Variants in HDAC4 observed in about 807,000 individuals in gnomAD.
The protein encoded by HDAC4 is histone deacetylase 4, also known as histone deacetylase A.
A neutral mutation model predicts 135.1 loss-of-function variants in HDAC4; 16 were observed. The observed-to-expected ratio is 0.12, with a 90% CI of 0.08 to 0.18. The LOEUF (loss-of-function observed/expected upper bound fraction) is 0.18. Ranked by LOEUF, HDAC4 falls within the 10% of genes least tolerant of loss-of-function variation. HDAC4 has a pLI of 1.00. For synonymous variants in HDAC4, 685 were observed against 653.4 expected, an observed-to-expected ratio of 1.05 and a Z score of -0.74; for missense variants, 1,143 against 1,511.8, an observed-to-expected ratio of 0.76 and a Z score of 4.05.
chr2:239,183,725 G>A (rs1007086378), intron 4 of HDAC4, among the ~76,000 whole-genome samples: 8 of 152,080 alleles, frequency 5.3e-5, no homozygotes, highest in African/African-American at 1.2e-4. Flanking sequence ...CCTCCCCACC[G>A]CACCCCTGTC....
chr2:239,284,256 G>A (rs960165323), intron 2 of HDAC4, among the ~76,000 whole-genome samples: 7 of 152,242 alleles, frequency 4.6e-5, no homozygotes, highest in African/African-American at 7.2e-5. Flanking sequence ...CGAGGACACC[G>A]ATGGCAGGAC....
chr2:239,350,622 G>A (rs1693077086), intron 2 of HDAC4, among the ~76,000 whole-genome samples: 1 of 152,098 alleles, frequency 6.6e-6, no homozygotes, highest in African/African-American at 2.4e-5. Flanking sequence ...TCCTGCCTGA[G>A]CCTCCTGGGT....
At chr2:239,098,339 TGGCAGACAGGC>T (rs2037305330) in intron 16 of HDAC4, among the ~76,000 whole-genome samples, 1 of 152,234 alleles carries the variant, frequency 6.6e-6, no homozygotes, top group Admixed American at 6.5e-5. Context: ...TGCCGCGGGC[TGGCAGACAGGC>T]GTTCTGTGCC....
At chr2:239,247,311 C>T (rs535871257) in intron 2 of HDAC4, among the ~76,000 whole-genome samples, 5 of 152,330 alleles carry the variant, frequency 3.3e-5, no homozygotes, top group East Asian at 3.9e-4. Flanking sequence ...AATTCCTACC[C>T]GCATCTACCC....
At chr2:239,136,500 C>T (rs567238328) in intron 9 of HDAC4, among the ~76,000 whole-genome samples, 9 of 152,164 alleles carry the variant, frequency 5.9e-5, no homozygotes, top group Non-Finnish European at 1.3e-4. Context: ...ATGGCTAAGA[C>T]CTCAAAAGCA....
chr2:239,299,545 G>A lies in HDAC4; in HGVS notation c.22+53133C>T, dbSNP rs987897358. On this transcript the variant is annotated intron_variant, in intron 2 of 26. Coordinates refer to ENST00000543185, the MANE Select transcript of HDAC4 (RefSeq NM_001378414.1). The surrounding 1 kb of genome is among the most constrained non-coding windows in gnomAD (Gnocchi z 4.0). ...ACAGCTGTACAACTGTACAACGGGA[G>A]GGCAGCGACACGTGCTTATTTGTAT... Among the ~76,000 whole-genome samples, 2 of 152,142 alleles carry A rather than the reference G, an allele frequency of 1.3e-5. No individual in the cohort carries two copies. The highest frequency in any genetic ancestry group is 4.8e-5 in the African/African-American group (2 of 41,428).
In HDAC4 at chr2:239,108,335, AAGACTCCTT is replaced by A; in HGVS notation, c.1979-161_1979-153del. On this transcript the variant is annotated intron_variant, in intron 14 of 26. Coordinates refer to ENST00000543185, the MANE Select transcript of HDAC4 (RefSeq NM_001378414.1). The stretch of plus-strand genomic sequence containing the variant: ...TCTTTAGAAAAATACCACGTTTGCC[AAGACTCCTT>A]GACTGGCCAGGCCCAGAGAACGTGG... The A allele has an allele frequency of 1.2e-5, 12 of 1,036,332 alleles. No individual in the cohort carries two copies. The South Asian group carries it at 1.8e-4, about 15-fold the overall frequency. 64.2% of individuals were successfully genotyped at this position (1,036,332 alleles called of 1,614,324 possible).
chr2:239,373,439 G>A (rs34460165), intron 1 of HDAC4, among the ~76,000 whole-genome samples: 1 of 152,080 alleles, frequency 6.6e-6, no homozygotes, highest in Admixed American at 6.6e-5. Flanking sequence ...GTTTGGAAGA[G>A]ACCTCTCCAT....
At chr2:239,084,272 A>T (rs1450553073) in intron 19 of HDAC4, 30 bp from the exon 20 acceptor site, 2 of 1,543,058 alleles carry the variant, frequency 1.3e-6, no homozygotes, top group Admixed American at 3.5e-5. Context: ...CTGGAGACGA[A>T]GCGCAGGTGG....
chr2:239,295,400 T>C (rs2051823768), intron 2 of HDAC4, among the ~76,000 whole-genome samples: 1 of 150,714 alleles, frequency 6.6e-6, no homozygotes, highest in Non-Finnish European at 1.5e-5. Context: ...CAAAAGCTGG[T>C]TACATAAAAA....
rs755870845 is a variant in HDAC4, at chr2:239,331,168, G to T, written c.22+21510C>A. On this transcript the variant is annotated intron_variant, in intron 2 of 26. Coordinates refer to ENST00000543185, the MANE Select transcript of HDAC4 (RefSeq NM_001378414.1). This position sits in a 1 kb window ranked among gnomAD's most constrained non-coding sequence, Gnocchi z 4.5. ...CTGATGGGCCATCGGAGCAAAGCGC[G>T]GCCAGCACTGTCGTGACATTGATGG... Among the ~76,000 whole-genome samples, 4 of 152,204 alleles carry T rather than the reference G, an allele frequency of 2.6e-5. No homozygotes were observed. The highest frequency in any genetic ancestry group is 9.7e-5 in the African/African-American group (4 of 41,448).
At chr2:239,276,144 C>T (rs956202695) in intron 2 of HDAC4, among the ~76,000 whole-genome samples, 3 of 152,210 alleles carry the variant, frequency 2.0e-5, no homozygotes, top group African/African-American at 7.2e-5. Flanking sequence ...GACCCCCACG[C>T]CAGCAAGTTC....
intron 2 of HDAC4, among the ~76,000 whole-genome samples, chr2:239,293,888 G>A (rs962827511): frequency 2.6e-5 from 4 of 152,216 alleles, no homozygotes; most frequent in Non-Finnish European, 5.9e-5. Context: ...CCTTTCTAGT[G>A]GGAAAACATT....
intron 8 of HDAC4, chr2:239,140,828 C>T (rs760717446): frequency 4.5e-4 from 172 of 382,302 alleles, no homozygotes; most frequent in Middle Eastern, 5.5e-4. Flanking sequence ...TTGCTGCCCG[C>T]GTCCTCCTGG....
At chr2:239,226,691 C>G (rs536594567) in intron 3 of HDAC4, among the ~76,000 whole-genome samples, 1 of 152,006 alleles carries the variant, frequency 6.6e-6, no homozygotes, top group African/African-American at 2.4e-5. Context: ...TGTAGATAAC[C>G]CAAACAATCT....
intron 12 of HDAC4, among the ~76,000 whole-genome samples, chr2:239,120,256 G>A (rs956340480): frequency 3.9e-5 from 6 of 152,186 alleles, no homozygotes; most frequent in Admixed American, 2.0e-4. Context: ...GAGGAGCTAC[G>A]CAGAGCTGGG....
intron 24 of HDAC4, among the ~76,000 whole-genome samples, chr2:239,064,737 C>T (rs2033251077): frequency 6.6e-6 from 1 of 152,184 alleles, no homozygotes; most frequent in Admixed American, 6.5e-5. Context: ...CAGTGGGGTT[C>T]CTCTCATAAT....
At chr2:239,225,458 C>T (rs11894654) in intron 3 of HDAC4, among the ~76,000 whole-genome samples, 191 of 152,368 alleles carry the variant, frequency 1.3e-3, no homozygotes, top group African/African-American at 4.5e-3. Context: ...AGGCAGAAGT[C>T]GGTCTGCGGG....
At chr2:239,169,457 G>T (rs1441939391) in intron 5 of HDAC4, among the ~76,000 whole-genome samples, 1 of 152,262 alleles carries the variant, frequency 6.6e-6, no homozygotes, top group African/African-American at 2.4e-5. Context: ...TCTACGGAAG[G>T]CAGCTTTCTA....
Sources: allele counts gnomAD v4.1 joint callset (sites outside exome capture counted in the v4.1 genomes callset), GRCh38; gene constraint gnomAD v4.1.1; non-coding constraint Gnocchi (gnomAD v3.1); transcripts MANE v1.5; gene names NCBI Gene and HGNC (gene_info 2026-07-23, HGNC 2026-07-21).